The following ZNF860 variants were observed in gnomAD, a reference collection of about 807,000 sequenced individuals.
ZNF860 encodes the protein zinc finger protein 860.
For missense variants in ZNF860, 641 were observed against 759.2 expected (o/e 0.84, Z 1.83); for synonymous variants, 206 against 248.9 (o/e 0.83, Z 1.62).
chr3:32,005,984 A>T, the ZNF860 span, among the ~76,000 whole-genome samples: 1 of 148,758 alleles, frequency 6.7e-6, no homozygotes, highest in Middle Eastern at 4.2e-3. Flanking sequence ...TTGCTCTGTC[A>T]CCCAGACTGG....
At chr3:31,994,072 T>C (rs572418379), downstream of ZNF860, among the ~76,000 whole-genome samples, 1 of 152,356 alleles carries the variant, frequency 6.6e-6, no homozygotes, top group South Asian at 2.1e-4. Flanking sequence ...TATTGTTACA[T>C]GCAATATTGC....
At chr3:31,983,089 G>C (rs748553175) in intron 1 of ZNF860, among the ~76,000 whole-genome samples, 1 of 152,236 alleles carries the variant, frequency 6.6e-6, no homozygotes, top group Non-Finnish European at 1.5e-5. Context: ...AAGCCAGTTA[G>C]TGTTGGCCAT....
chr3:31,997,371 C>T, the ZNF860 span, among the ~76,000 whole-genome samples: 2 of 151,446 alleles, frequency 1.3e-5, no homozygotes, highest in African/African-American at 2.4e-5. Context: ...TTCAAGGGAT[C>T]CTCGTGCCTC....
chr3:31,990,643 C>T lies in ZNF860; in HGVS notation c.1564C>T (p.Gln522Ter), dbSNP rs772938584. The change falls in exon 2 of 2, where the codon CAA becomes TAA. Residue 522 changes from glutamine to a stop codon, truncating the protein, a stop_gained. Coordinates refer to ENST00000360311, the MANE Select transcript of ZNF860 (RefSeq NM_001137674.3). LOFTEE classifies it low-confidence loss of function (END_TRUNC). ...CNECGKVFNQ[Q>*]ATLARHHRLH... is the part of the protein sequence containing the mutation. The stretch of plus-strand genomic sequence containing the variant: ...TGAATGTGGCAAGGTTTTTAATCAA[C>T]AAGCAACCCTTGCACGTCATCATAG... The T allele has an allele frequency of 1.2e-6, 2 of 1,613,872 alleles. No homozygotes were observed. The highest frequency in any genetic ancestry group is 1.1e-5 in the South Asian group (1 of 91,074).
the ZNF860 span, among the ~76,000 whole-genome samples, chr3:32,006,312 C>T: frequency 6.6e-6 from 1 of 152,156 alleles, no homozygotes. Context: ...CCCTTGAATA[C>T]ACTTTGTGTA....
Position 31,989,051 on chromosome 3 carries a change from A to G in ZNF860, c.-29A>G, listed in dbSNP as rs1698983953. On this transcript the variant is annotated 5_prime_UTR_variant, in exon 2 of 2. Transcript: ENST00000360311. ...AGCAGATCGCCTCAGTGAAGGTCAC[A>G]CTGCAGCACTATTGATTTCTAAAGA... The G allele has an allele frequency of 6.2e-7, 1 of 1,612,708 alleles. No individual in the cohort carries two copies. Among genetic ancestry groups the G allele is most frequent in the Non-Finnish European group, 8.5e-7 (1 of 1,179,346 alleles).
In ZNF860 at chr3:31,989,436, CAAAAG is replaced by C; in HGVS notation, c.361_365del (p.Arg121Ter). 1 of 1,614,092 alleles carries C rather than the reference CAAAAG, an allele frequency of 6.2e-7. No individual in the cohort carries two copies. The highest frequency in any genetic ancestry group is 8.5e-7 in the Non-Finnish European group (1 of 1,180,014). ...ACTTTGAGTTTCAATGGCAAGAAGA[CAAAAG>C]AAATAGCCATGAAGCAACTATGACA... On this transcript the variant is annotated frameshift_variant, in exon 2 of 2. Coordinates refer to ENST00000360311, the MANE Select transcript of ZNF860 (RefSeq NM_001137674.3). LOFTEE classifies it low-confidence loss of function (END_TRUNC).
rs543736144 is a variant in ZNF860 at position 31,989,728 on chromosome 3, C to T, written c.649C>T (p.Leu217Phe). The T allele has an allele frequency of 3.9e-5, 63 of 1,614,086 alleles. No individual in the cohort carries two copies. In the African/African-American group the frequency reaches 8.0e-4, roughly 20 times the overall value. The change falls in exon 2 of 2, where the codon CTC (leucine) becomes TTC (phenylalanine). Residue 217 changes from leucine (L) to phenylalanine (F), a missense_variant. Leu to Phe is a conservative substitution (Grantham distance 22). Coordinates refer to ENST00000360311, the MANE Select transcript of ZNF860 (RefSeq NM_001137674.3). ...YENNFFHSSL[L>F]TLKQEVHIRE... Reference sequence around the variant, plus strand: ...AAATAATTTCTTCCATTCATCATTACTCACACTAAAACAGGAAGTACACAT... The same window carrying T: ...AAATAATTTCTTCCATTCATCATTATTCACACTAAAACAGGAAGTACACAT...
the ZNF860 span, among the ~76,000 whole-genome samples, chr3:32,002,222 C>G: frequency 6.6e-6 from 1 of 152,120 alleles, no homozygotes; most frequent in Non-Finnish European, 1.5e-5. Context: ...ATTTTAGGTG[C>G]TATGATGAAT....
chr3:31,988,019 G>A (rs986954502), intron 1 of ZNF860, among the ~76,000 whole-genome samples: 1 of 152,226 alleles, frequency 6.6e-6, no homozygotes, highest in South Asian at 2.1e-4. Flanking sequence ...GGGAAGCCAA[G>A]AACCCCAGAG....
rs762465332 is a variant in ZNF860 at position 31,989,450 on chromosome 3, A to C, written c.371A>C (p.His124Pro). Residue 124 changes from histidine (H) to proline (P), a missense_variant, in exon 2 of 2, where the codon CAT becomes CCT. Transcript: ENST00000360311. ...TGGCAAGAAGACAAAAGAAATAGCC[A>C]TGAAGCAACTATGACACAAATCAAA... ...FQWQEDKRNS[H>P]EATMTQIKKL... is the part of the protein sequence containing the mutation. 7.4e-6 allele frequency: 12 copies of C among 1,614,246 alleles called. No homozygotes were observed. Among genetic ancestry groups the C allele is most frequent in the Non-Finnish European group, 1.0e-5 (12 of 1,180,036 alleles).
chr3:32,000,059 A>G, the ZNF860 span, among the ~76,000 whole-genome samples: 19 of 152,106 alleles, frequency 1.2e-4, no homozygotes, highest in Non-Finnish European at 2.6e-4. Context: ...CTCATGGTCC[A>G]ATGGTTATCT....
chr3:31,993,681 T>C (rs72854160), downstream of ZNF860, among the ~76,000 whole-genome samples: 235 of 147,308 alleles, frequency 1.6e-3, no homozygotes, highest in African/African-American at 5.6e-3. Flanking sequence ...TACACACACA[T>C]ACACACACAC....
Position 31,990,216 on chromosome 3 carries a change from T to C in ZNF860, c.1137T>C (p.Phe379=), listed in dbSNP as rs1699005884. 1.2e-6 allele frequency: 2 copies of C among 1,612,654 alleles called. No homozygotes were observed. The highest frequency in any genetic ancestry group is 1.7e-6 in the Non-Finnish European group (2 of 1,179,574). Residue 379 remains phenylalanine (F), a synonymous_variant, in exon 2 of 2, where the codon TTT becomes TTC. Coordinates refer to ENST00000360311, the MANE Select transcript of ZNF860 (RefSeq NM_001137674.3). The part of the protein sequence containing the change: ...PYKCNECGKA[F]SGQSTLIHHQ... ...AGTGTAATGAGTGTGGCAAAGCCTT[T>C]AGTGGGCAGTCAACACTTATTCACC... is the stretch of plus-strand genomic sequence containing the variant.
chr3:31,985,544 CTAG>C (rs984107224), intron 1 of ZNF860, among the ~76,000 whole-genome samples: 1 of 152,158 alleles, frequency 6.6e-6, no homozygotes, highest in African/African-American at 2.4e-5. Flanking sequence ...TCTGGAGTTT[CTAG>C]TAGTTGTTTC....
chr3:31,982,723 G>T (rs1698875139), intron 1 of ZNF860, among the ~76,000 whole-genome samples: 1 of 151,942 alleles, frequency 6.6e-6, no homozygotes, highest in Non-Finnish European at 1.5e-5. Context: ...TCTAACCTAT[G>T]ACCTTGATCA....
At position 31,990,977 on chromosome 3, in the gene ZNF860, A is replaced by G. The variant is rs1394061607; in HGVS notation, c.1898A>G (p.Ter633TrpextTer13). The change falls in exon 2 of 2, where the codon TAG becomes TGG. Residue 633 changes from the stop codon to tryptophan, a stop_lost. Transcript: ENST00000360311. Reference protein sequence around the residue: ...KCHKRGKVFS* With the variant: ...KCHKRGKVFSW ...CATAAGCGTGGCAAGGTCTTCAGTTAGAGGTCACTCCTTGCAAAACATCAG... is the reference window on the plus strand; with the variant it reads ...CATAAGCGTGGCAAGGTCTTCAGTTGGAGGTCACTCCTTGCAAAACATCAG... 3 of 1,571,368 alleles carry G rather than the reference A, an allele frequency of 1.9e-6. No homozygotes were observed. Among genetic ancestry groups the G allele is most frequent in the East Asian group, 2.3e-5 (1 of 43,018 alleles).
the ZNF860 span, among the ~76,000 whole-genome samples, chr3:32,005,117 T>G: frequency 6.6e-6 from 1 of 152,160 alleles, no homozygotes; most frequent in African/African-American, 2.4e-5. Context: ...CGTTCAGGTT[T>G]GTTACATAGG....
chr3:31,995,365 T>A (rs541935919), downstream of ZNF860, among the ~76,000 whole-genome samples: 4 of 152,152 alleles, frequency 2.6e-5, no homozygotes, highest in East Asian at 5.8e-4. Flanking sequence ...TTCCCTAGGG[T>A]CTTAATATTC....
Sources: gnomAD v4.1 joint callset for allele counts (sites outside exome capture counted in the v4.1 genomes callset) on GRCh38, gnomAD v4.1.1 for gene constraint, MANE v1.5 for transcripts, NCBI Gene and HGNC (gene_info 2026-07-23, HGNC 2026-07-21) for gene names.